PRPH2: variants seen among roughly 807,000 people sequenced by gnomAD.
The protein encoded by PRPH2 is peripherin 2.
PRPH2 carries 17 observed loss-of-function variants against 31.3 expected under a neutral mutation model. The ratio of observed to expected loss-of-function variants is 0.54; its 90% confidence interval spans 0.37 to 0.81. PRPH2 has a LOEUF of 0.81. PRPH2 is among the 40% of genes least tolerant of loss of function. PRPH2 has a pLI of 0.00. For synonymous variants in PRPH2, 165 were observed against 184.4 expected (o/e 0.89, Z 0.85); for missense variants, 430 against 439.7 (o/e 0.98, Z 0.20).
At chr6:42,705,096 G>A (rs1800129750) in intron 1 of PRPH2, among the ~76,000 whole-genome samples, 2 of 152,146 alleles carry the variant, frequency 1.3e-5, no homozygotes, top group African/African-American at 4.8e-5. Context: ...CTGTGCAGAG[G>A]CAGGGGATGG....
chr6:42,722,232 A>C lies in PRPH2; in HGVS notation c.103T>G (p.Phe35Val). 1 of 1,614,176 alleles carries C rather than the reference A, an allele frequency of 6.2e-7. No homozygotes were observed. The highest frequency in any genetic ancestry group is 2.2e-5 in the East Asian group (1 of 44,876). ...ATCTTCAGGAACAGTCCTAGGCTGA[A>C]GATGATGATGCCAGCCAACACGGAG... Reference protein sequence around the residue: ...WFSVLAGIIIFSLGLFLKIEL... With the variant: ...WFSVLAGIIIVSLGLFLKIEL... Residue 35 changes from phenylalanine to valine, a missense_variant, in exon 1 of 3, where the codon TTC (phenylalanine) becomes GTC (valine). Phe to Val is a conservative substitution (Grantham distance 50). Coordinates refer to ENST00000230381, the MANE Select transcript of PRPH2 (RefSeq NM_000322.5). This position sits in a 1 kb window ranked among gnomAD's most constrained non-coding sequence, Gnocchi z 4.4.
intron 1 of PRPH2, among the ~76,000 whole-genome samples, chr6:42,719,812 G>A (rs923751365): frequency 2.9e-4 from 44 of 150,886 alleles, no homozygotes; most frequent in African/African-American, 1.0e-3. Context: ...CAGGTGATCC[G>A]CCCGCCTCGG....
chr6:42,709,221 TG>T (rs2152006677), intron 1 of PRPH2, among the ~76,000 whole-genome samples: 1 of 151,094 alleles, frequency 6.6e-6, no homozygotes, highest in Admixed American at 6.6e-5. Flanking sequence ...TCCTAGCTAC[TG>T]GGGAGGCTGA....
chr6:42,722,495 G>A lies in PRPH2; in HGVS notation c.-161C>T. 4.0e-6 allele frequency: 6 copies of A among 1,503,432 alleles called. No homozygotes were observed. The highest frequency in any genetic ancestry group is 5.3e-6 in the Non-Finnish European group (6 of 1,131,148). 93.1% of individuals were successfully genotyped at this position (1,503,432 alleles called of 1,614,324 possible). A position where few individuals can be genotyped will look rare whatever the true frequency, so the allele number is the denominator to read the frequency against. On this transcript the variant is annotated 5_prime_UTR_variant, in exon 1 of 3. Coordinates refer to ENST00000230381, the MANE Select transcript of PRPH2 (RefSeq NM_000322.5). The surrounding 1 kb of genome is among the most constrained non-coding windows in gnomAD (Gnocchi z 4.4). ...CCCATGTCGAGTCCCACTAGCCTGGGATCCCCGTGAATGCAGTAGTGGTGG... is the reference window on the plus strand; with the variant it reads ...CCCATGTCGAGTCCCACTAGCCTGGAATCCCCGTGAATGCAGTAGTGGTGG...
intron 1 of PRPH2, among the ~76,000 whole-genome samples, chr6:42,708,040 C>T (rs1382344034): frequency 6.6e-6 from 1 of 152,186 alleles, no homozygotes; most frequent in Non-Finnish European, 1.5e-5. Context: ...GGTATTAATA[C>T]ATAGTAGCCA....
Position 42,721,876 on chromosome 6 carries a change from C to T in PRPH2, c.459G>A (p.Lys153=). The change falls in exon 1 of 3, where the codon AAG becomes AAA. Residue 153 remains lysine, a synonymous_variant. Coordinates refer to ENST00000230381, the MANE Select transcript of PRPH2 (RefSeq NM_000322.5). ...DTDTPGRCFM[K]KTIDMLQIEF... ...CGATCTGCAGCATGTCGATGGTCTT[C>T]TTCATGAAACACCTGCCAGGGGTGT... 6.2e-7 allele frequency: 1 copy of T among 1,614,214 alleles called. No individual in the cohort carries two copies. The highest frequency in any genetic ancestry group is 8.5e-7 in the Non-Finnish European group (1 of 1,180,040).
chr6:42,708,340 T>A (rs1800210537), intron 1 of PRPH2, among the ~76,000 whole-genome samples: 1 of 152,202 alleles, frequency 6.6e-6, no homozygotes, highest in African/African-American at 2.4e-5. Flanking sequence ...AAAGCCCCAC[T>A]CCAGCCATGT....
chr6:42,702,113 G>A (rs968689814), intron 2 of PRPH2, among the ~76,000 whole-genome samples: 5 of 151,940 alleles, frequency 3.3e-5, no homozygotes, highest in Non-Finnish European at 5.9e-5. Flanking sequence ...GGTGGTGGGC[G>A]CCTGTAATCC....
intron 1 of PRPH2, among the ~76,000 whole-genome samples, chr6:42,719,220 G>A (rs865863053): frequency 2.0e-5 from 3 of 149,712 alleles, no homozygotes; most frequent in Non-Finnish European, 3.0e-5. Flanking sequence ...CCGGGCTGGA[G>A]TACAGTGGCA....
intron 2 of PRPH2, among the ~76,000 whole-genome samples, chr6:42,702,410 T>A (rs1665284931): frequency 6.6e-6 from 1 of 151,804 alleles, no homozygotes; most frequent in African/African-American, 2.4e-5. Context: ...AAAAGCTTCC[T>A]CACCAAATCT....
chr6:42,719,582 T>G (rs1761857610), intron 1 of PRPH2, among the ~76,000 whole-genome samples: 2 of 150,692 alleles, frequency 1.3e-5, no homozygotes, highest in South Asian at 4.2e-4. Context: ...TTTTTTTTTT[T>G]TTTTTGAGAC....
At chr6:42,705,599 A>AAAAAAATATAT (rs1562424252) in intron 1 of PRPH2, among the ~76,000 whole-genome samples, 3 of 21,578 alleles carry the variant, frequency 1.4e-4, no homozygotes, top group South Asian at 1.6e-3. Flanking sequence ...AAAAAAAAAA[A>AAAAAAATATAT]ATATATATAT....
At position 42,722,336 on chromosome 6, in the gene PRPH2, C is replaced by A; in HGVS notation, c.-2G>T. The A allele has an allele frequency of 6.2e-7, 1 of 1,613,482 alleles. No individual in the cohort carries two copies. Among genetic ancestry groups the A allele is most frequent in the Non-Finnish European group, 8.5e-7 (1 of 1,180,032 alleles). On this transcript the variant is annotated 5_prime_UTR_variant, in exon 1 of 3. Transcript: ENST00000230381. The surrounding 1 kb of genome is among the most constrained non-coding windows in gnomAD (Gnocchi z 4.4). ...AAACTTGACTTTCAGTAGCGCCATG[C>A]TTGCCAAGTGTAGTCCGGGTTGCTT...
At position 42,714,165 on chromosome 6, in the gene PRPH2, T is replaced by A. The variant is rs558707331; in HGVS notation, c.581+7589A>T. On this transcript the variant is annotated intron_variant, in intron 1 of 2. Transcript: ENST00000230381. ...TATAATGGAATATTATTTCACCATA[T>A]AAAGGAATTAAGTTCTGATATACGC... is the stretch of plus-strand genomic sequence containing the variant. Among the ~76,000 whole-genome samples the A allele has an allele frequency of 6.6e-5, 10 of 152,256 alleles. No homozygotes were observed. In the South Asian group the frequency reaches 1.9e-3, roughly 28 times the overall value.
intron 1 of PRPH2, among the ~76,000 whole-genome samples, chr6:42,718,652 A>ATT (rs557579762): frequency 6.7e-6 from 1 of 149,162 alleles, no homozygotes; most frequent in South Asian, 2.1e-4. Flanking sequence ...TAATTCATAT[A>ATT]TTTTTTTTTT....
intron 2 of PRPH2, among the ~76,000 whole-genome samples, chr6:42,699,229 T>C (rs1220409461): frequency 6.6e-6 from 1 of 151,982 alleles, no homozygotes; most frequent in Non-Finnish European, 1.5e-5. Flanking sequence ...ATTTTTGTAT[T>C]TTTTTGTTGT....
At chr6:42,715,156 T>A (rs897265480) in intron 1 of PRPH2, among the ~76,000 whole-genome samples, 4 of 150,552 alleles carry the variant, frequency 2.7e-5, no homozygotes, top group Non-Finnish European at 5.9e-5. Flanking sequence ...TTGCAGTGAG[T>A]CGAGATCGTG....
intron 1 of PRPH2, among the ~76,000 whole-genome samples, chr6:42,718,050 G>A (rs1362370930): frequency 1.3e-5 from 2 of 152,108 alleles, no homozygotes; most frequent in African/African-American, 4.8e-5. Flanking sequence ...GCTCATGCCT[G>A]TAATCCCAGC....
intron 1 of PRPH2, among the ~76,000 whole-genome samples, chr6:42,710,061 C>T (rs1478131777): frequency 1.3e-5 from 2 of 152,192 alleles, no homozygotes; most frequent in Non-Finnish European, 2.9e-5. Flanking sequence ...CGTCTCCCCA[C>T]CTCGCCTCCC....
Sources: allele counts gnomAD v4.1 joint callset (sites outside exome capture counted in the v4.1 genomes callset), GRCh38; gene constraint gnomAD v4.1.1; non-coding constraint Gnocchi (gnomAD v3.1); transcripts MANE v1.5; gene names NCBI Gene and HGNC (gene_info 2026-07-23, HGNC 2026-07-21).